Variants in RBFOX1 observed in about 807,000 individuals in gnomAD.
RBFOX1 encodes the protein RNA binding fox-1 homolog 1.
A neutral mutation model predicts 57.7 loss-of-function variants in RBFOX1; 8 were observed. The observed-to-expected ratio is 0.14, with a 90% CI of 0.08 to 0.25. The LOEUF (loss-of-function observed/expected upper bound fraction) is 0.25, where lower values mean the gene tolerates loss of function less well. RBFOX1 is among the 10% of genes least tolerant of loss of function. The pLI is 1.00. For synonymous variants in RBFOX1, 326 were observed against 222.4 expected (o/e 1.47, Z -4.15); for missense variants, 611 against 548.5 (o/e 1.11, Z -1.14).
At chr16:5,748,839 G>A (rs1412983877) in intron 3 of RBFOX1, among the ~76,000 whole-genome samples, 1 of 152,172 alleles carries the variant, frequency 6.6e-6, no homozygotes, top group African/African-American at 2.4e-5. Flanking sequence ...GCCAGTCTGT[G>A]TCTTTTAATT....
In RBFOX1 at chr16:7,710,802, G is replaced by C. The variant is rs775753239; in HGVS notation, c.*57G>C. ...GGAGAAAGGAAGCTTTCCGAGGCCTGAGTATTGCAATACATGCAGTAGTAC... is the reference window on the plus strand; with the variant it reads ...GGAGAAAGGAAGCTTTCCGAGGCCTCAGTATTGCAATACATGCAGTAGTAC... On this transcript the variant is annotated 3_prime_UTR_variant, in exon 16 of 16. Transcript: ENST00000550418. 75 of 1,418,334 alleles carry C rather than the reference G, an allele frequency of 5.3e-5. No individual in the cohort carries two copies. The highest frequency in any genetic ancestry group is 6.8e-5 in the Non-Finnish European group (72 of 1,063,454). 87.9% of individuals were successfully genotyped at this position (1,418,334 alleles called of 1,614,324 possible).
chr16:7,617,675 C>G lies in RBFOX1; in HGVS notation c.676+10337C>G, dbSNP rs142646389. Among the ~76,000 whole-genome samples the G allele has an allele frequency of 7.7e-3, 1,179 of 152,236 alleles. 12 individuals carry two copies. The highest frequency in any genetic ancestry group is 0.027 in the African/African-American group (1,112 of 41,540). On this transcript the variant is annotated intron_variant, in intron 10 of 15. Coordinates refer to ENST00000550418, the MANE Select transcript of RBFOX1 (RefSeq NM_018723.4). ...GTTTCCATGAATTCACCTTTTATTG[C>G]AGAATTATAGTATCGGGCGCTAGAC...
chr16:6,537,660 T>A (rs1031090713), intron 2 of RBFOX1, among the ~76,000 whole-genome samples: 9 of 152,178 alleles, frequency 5.9e-5, no homozygotes, highest in African/African-American at 2.2e-4. Context: ...TGTCTGGAGT[T>A]TTTTGCATCT....
At chr16:5,467,470 G>A (rs1409961303) in intron 2 of RBFOX1, among the ~76,000 whole-genome samples, 1 of 152,158 alleles carries the variant, frequency 6.6e-6, no homozygotes, top group Non-Finnish European at 1.5e-5. Context: ...TAATGTATGA[G>A]CTCCAGAAAT....
chr16:6,681,043 G>A (rs1023795343), intron 3 of RBFOX1, among the ~76,000 whole-genome samples: 5 of 152,178 alleles, frequency 3.3e-5, no homozygotes, highest in African/African-American at 1.2e-4. Context: ...GGGCATGATG[G>A]CTCACACCCA....
At chr16:7,083,321 T>C (rs1205152669) in intron 4 of RBFOX1, among the ~76,000 whole-genome samples, 1 of 151,882 alleles carries the variant, frequency 6.6e-6, no homozygotes, top group Non-Finnish European at 1.5e-5. Flanking sequence ...TGTTTCTCCA[T>C]CTTAGGGCGA....
At chr16:6,729,611 G>C (rs182643523) in intron 3 of RBFOX1, among the ~76,000 whole-genome samples, 41 of 152,144 alleles carry the variant, frequency 2.7e-4, no homozygotes, top group African/African-American at 9.2e-4. Flanking sequence ...GCTTCTAAAG[G>C]GTTCTTGGCT....
At position 6,401,070 on chromosome 16, in the gene RBFOX1, C is replaced by T. The variant is rs187530124; in HGVS notation, c.-64+84013C>T. On this transcript the variant is annotated intron_variant, in intron 2 of 15. Transcript: ENST00000550418. ...ATCTTGGTTTCTAAATATCATTAAT[C>T]ATTAAAAGGAACCAAAACTTATTGG... 9.3e-4 allele frequency among the ~76,000 whole-genome samples: 142 copies of T among 152,210 alleles called. No homozygotes were observed. In the Middle Eastern group the frequency reaches 0.014, roughly 15 times the overall value.
At chr16:7,193,771 G>C (rs1033973687) in intron 4 of RBFOX1, among the ~76,000 whole-genome samples, 1 of 152,160 alleles carries the variant, frequency 6.6e-6, no homozygotes, top group Non-Finnish European at 1.5e-5. Flanking sequence ...CAGAATATTA[G>C]TACTAGACTC....
chr16:6,081,675 T>G (rs529268147), intron 1 of RBFOX1, among the ~76,000 whole-genome samples: 21 of 152,338 alleles, frequency 1.4e-4, no homozygotes, highest in African/African-American at 5.1e-4. Context: ...ATTTATTTAT[T>G]TTTGAAACTG....
chr16:5,438,640 A>T (rs2067989633), intron 1 of RBFOX1, among the ~76,000 whole-genome samples: 1 of 152,098 alleles, frequency 6.6e-6, no homozygotes, highest in Admixed American at 6.6e-5. Context: ...GGCCCATGGA[A>T]GTATACGAAA....
chr16:6,510,913 A>G (rs544351586), intron 2 of RBFOX1, among the ~76,000 whole-genome samples: 9 of 152,070 alleles, frequency 5.9e-5, no homozygotes, highest in African/African-American at 2.2e-4. Context: ...TGGCTGACTC[A>G]TAATTTTAAG....
intron 3 of RBFOX1, among the ~76,000 whole-genome samples, chr16:5,760,591 A>G (rs1246500310): frequency 1.3e-5 from 2 of 152,234 alleles, no homozygotes; most frequent in African/African-American, 2.4e-5. Flanking sequence ...AGAAAGAAGT[A>G]CTGGTATGGA....
intron 3 of RBFOX1, among the ~76,000 whole-genome samples, chr16:5,798,085 A>G (rs952642438): frequency 1.3e-5 from 2 of 152,226 alleles, no homozygotes; most frequent in South Asian, 4.1e-4. Context: ...GTCTTTGGGC[A>G]TGTTACTTAA....
intron 3 of RBFOX1, among the ~76,000 whole-genome samples, chr16:5,714,240 T>A (rs1215284095): frequency 6.6e-6 from 1 of 152,218 alleles, no homozygotes; most frequent in Non-Finnish European, 1.5e-5. Context: ...AATCTGCACA[T>A]AGTCATGTAA....
At chr16:7,709,203 C>T (rs879746993) in intron 15 of RBFOX1, 72 bp downstream of exon 15, 13 of 1,398,572 alleles carry the variant, frequency 9.3e-6, no homozygotes, top group East Asian at 7.0e-5. Flanking sequence ...GACCTCAGTA[C>T]GGGTTGACGT....
At chr16:5,276,743 C>A (rs1371159117) in intron 1 of RBFOX1, among the ~76,000 whole-genome samples, 5 of 152,144 alleles carry the variant, frequency 3.3e-5, no homozygotes, top group African/African-American at 4.8e-5. Flanking sequence ...TATACTCCAG[C>A]CTGTGTGACA....
chr16:7,388,898 C>T (rs1008006443), intron 4 of RBFOX1, among the ~76,000 whole-genome samples: 2 of 152,020 alleles, frequency 1.3e-5, no homozygotes. Context: ...ATTTTCAACT[C>T]ACGATGAGTT....
intron 2 of RBFOX1, among the ~76,000 whole-genome samples, chr16:5,476,656 G>A (rs1201794094): frequency 6.6e-6 from 1 of 152,190 alleles, no homozygotes; most frequent in East Asian, 1.9e-4. Context: ...ACTTGTTGAG[G>A]ACAAGATACA....
Sources: gnomAD v4.1 joint callset for allele counts (sites outside exome capture counted in the v4.1 genomes callset) on GRCh38, gnomAD v4.1.1 for gene constraint, MANE v1.5 for transcripts, NCBI Gene and HGNC (gene_info 2026-07-23, HGNC 2026-07-21) for gene names.